The following CATSPER1 variants were observed in gnomAD, a reference collection of about 807,000 sequenced individuals.
CATSPER1 encodes the protein cation channel sperm associated 1, also known as cation channel sperm-associated protein 1.
A neutral mutation model predicts 72.7 loss-of-function variants in CATSPER1; 57 were observed. That is an observed-to-expected ratio of 0.78 (90% CI 0.63 to 0.98). The LOEUF (loss-of-function observed/expected upper bound fraction) is 0.98. Ranked by LOEUF, CATSPER1 falls within the 50% of genes least tolerant of loss-of-function variation. The pLI is 0.00. For missense variants in CATSPER1, 910 were observed against 1,033.9 expected (o/e 0.88, Z 1.64); for synonymous variants, 363 against 403.0 (o/e 0.90, Z 1.19).
At position 66,020,770 on chromosome 11, in the gene CATSPER1, G is replaced by C. The variant is rs202008202; in HGVS notation, c.1927+41C>G. The C allele has an allele frequency of 1.9e-6, 3 of 1,612,986 alleles. No homozygotes were observed. The South Asian group carries it at 3.3e-5, about 18-fold the overall frequency. Reference sequence around the variant, plus strand: ...CACTGAGCCCTGGCCGGTCCACCCCGCCAATCCCCGGCCCTCCCTGCAGCC... The same window carrying C: ...CACTGAGCCCTGGCCGGTCCACCCCCCCAATCCCCGGCCCTCCCTGCAGCC... On this transcript the variant is annotated intron_variant, in intron 6 of 11. Coordinates refer to ENST00000312106, the MANE Select transcript of CATSPER1 (RefSeq NM_053054.4). The surrounding 1 kb of genome is among the most constrained non-coding windows in gnomAD (Gnocchi z 4.5).
chr11:66,026,418 C>T lies in CATSPER1; in HGVS notation c.-39G>A. 1 of 1,608,064 alleles carries T rather than the reference C, an allele frequency of 6.2e-7. No homozygotes were observed. The highest frequency in any genetic ancestry group is 1.7e-5 in the Admixed American group (1 of 60,010). ...ACTCTGGAGCCAAAAGAGCTCAAGA[C>T]CTGGGCCCAACAGGCCCCGCCTGGA... is the stretch of plus-strand genomic sequence containing the variant. On this transcript the variant is annotated 5_prime_UTR_variant, in exon 1 of 12. Coordinates refer to ENST00000312106, the MANE Select transcript of CATSPER1 (RefSeq NM_053054.4).
At chr11:66,022,528 TTCTCGGGCTCCCGGCCCTTCCGCGAA>T (rs1301032615) in intron 2 of CATSPER1, among the ~76,000 whole-genome samples, 4 of 152,234 alleles carry the variant, frequency 2.6e-5, no homozygotes, top group Admixed American at 6.5e-5. Context: ...CTCCAGGGCC[TTCTCGGGCTCCCGGCCCTTCCGCGAA>T]GCTCGGGCTC....
chr11:66,021,521 C>A lies in CATSPER1; in HGVS notation c.1666G>T (p.Ala556Ser). ...KVFKSLRALR[A>S]IRVLRRLSFL... ...CTGAGCCTCCGCAGGACCCGGATTG[C>A]CCTCAGGGCCCGCAGGCTCTTGAAG... The change falls in exon 4 of 12, where the codon GCA becomes TCA. Residue 556 changes from alanine (A) to serine (S), a missense_variant. Transcript: ENST00000312106. 1 of 1,613,744 alleles carries A rather than the reference C, an allele frequency of 6.2e-7. No homozygotes were observed.
At chr11:66,021,975 TCTCCCCGGCTC>T (rs1269518052) in intron 2 of CATSPER1, 96 bp from the exon 3 acceptor site, 11 of 926,512 alleles carry the variant, frequency 1.2e-5, no homozygotes, top group South Asian at 9.3e-5. Context: ...ATTCCCAGGC[TCTCCCCGGCTC>T]TGCGTAAGCA....
At chr11:66,021,005 G>A (rs778027252) in intron 5 of CATSPER1, 51 bp from the exon 6 acceptor site, 76 of 1,611,194 alleles carry the variant, frequency 4.7e-5, no homozygotes, top group African/African-American at 9.4e-5. Context: ...CCACCCCAGC[G>A]CCCCTCGTCC....
rs1041961631 is a variant in CATSPER1 at position 66,021,392 on chromosome 11, G to A, written c.1691+104C>T. The A allele has an allele frequency of 2.2e-5, 32 of 1,441,874 alleles. No individual in the cohort carries two copies. The African/African-American group carries it at 3.0e-4, about 13-fold the overall frequency. The allele number at this position is 1,441,874 out of a possible 1,614,324, so 89.3% of individuals were successfully genotyped here. On this transcript the variant is annotated intron_variant, in intron 4 of 11. Coordinates refer to ENST00000312106, the MANE Select transcript of CATSPER1 (RefSeq NM_053054.4). ...CAGGCTGGGGTCAGCAGCCTCCTGC[G>A]CCCCCATCCCTTGAGCAGGTCACAG... is the stretch of plus-strand genomic sequence containing the variant.
Position 66,020,034 on chromosome 11 carries a change from A to G in CATSPER1, c.2125+106T>C. On this transcript the variant is annotated intron_variant, in intron 9 of 11. Coordinates refer to ENST00000312106, the MANE Select transcript of CATSPER1 (RefSeq NM_053054.4). The surrounding 1 kb of genome is among the most constrained non-coding windows in gnomAD (Gnocchi z 4.5). Reference sequence around the variant, plus strand: ...CCTGAGTCTCAAATTCTAAAACTCTAAAACTGAGTCTGGAATTCTGTGACT... The same window carrying G: ...CCTGAGTCTCAAATTCTAAAACTCTGAAACTGAGTCTGGAATTCTGTGACT... 2 of 1,265,562 alleles carry G rather than the reference A, an allele frequency of 1.6e-6. No homozygotes were observed. The highest frequency in any genetic ancestry group is 1.2e-5 in the South Asian group (1 of 80,546). The allele number at this position is 1,265,562 out of a possible 1,614,324, so 78.4% of individuals were successfully genotyped here. A position where few individuals can be genotyped will look rare whatever the true frequency, so the allele number is the denominator to read the frequency against.
At chr11:66,023,666 C>A (rs1856428025) in intron 1 of CATSPER1, among the ~76,000 whole-genome samples, 1 of 151,712 alleles carries the variant, frequency 6.6e-6, no homozygotes, top group Admixed American at 6.6e-5. Flanking sequence ...CCAGCAAATC[C>A]CCAACAGGCT....
chr11:66,021,271 G>T, intron 4 of CATSPER1, 86 bp from the exon 5 acceptor site: 1 of 1,381,314 alleles, frequency 7.2e-7, no homozygotes, highest in Non-Finnish European at 1.0e-6. Flanking sequence ...GGCGCTGAAG[G>T]CAGGAGGCTC....
intron 10 of CATSPER1, among the ~76,000 whole-genome samples, chr11:66,018,201 C>T (rs1856278829): frequency 6.8e-6 from 1 of 146,014 alleles, no homozygotes; most frequent in Non-Finnish European, 1.5e-5. Flanking sequence ...GAGTGAGACC[C>T]TGTCTCAAAA....
At chr11:66,022,078 A>G (rs2134993321) in intron 2 of CATSPER1, among the ~76,000 whole-genome samples, 199 bp from the exon 3 acceptor site, 1 of 152,238 alleles carries the variant, frequency 6.6e-6, no homozygotes, top group Middle Eastern at 3.4e-3. Context: ...AGTGGCTCAC[A>G]CCTGTAATCC....
rs1305870590 is a variant in CATSPER1, at chr11:66,020,552, G to T, written c.1991+12C>A. On this transcript the variant is annotated intron_variant, in intron 7 of 11. Transcript: ENST00000312106. The surrounding 1 kb of genome is among the most constrained non-coding windows in gnomAD (Gnocchi z 4.5). Reference sequence around the variant, plus strand: ...GGTGGTGCTGGGCAGCAGAGCAGGGGTGAGTCCTCACTTGAGGAAGATGAA... The same window carrying T: ...GGTGGTGCTGGGCAGCAGAGCAGGGTTGAGTCCTCACTTGAGGAAGATGAA... 2 of 1,609,202 alleles carry T rather than the reference G, an allele frequency of 1.2e-6. No homozygotes were observed. Among genetic ancestry groups the T allele is most frequent in the African/African-American group, 2.7e-5 (2 of 74,858 alleles).
chr11:66,025,120 G>T (rs377160277), intron 1 of CATSPER1, 44 bp downstream of exon 1: 3 of 1,610,660 alleles, frequency 1.9e-6, no homozygotes, highest in South Asian at 2.2e-5. Flanking sequence ...TGGATCCTGC[G>T]CCAGGCAGCA....
At position 66,017,163 on chromosome 11, in the gene CATSPER1, A is replaced by C. The variant is rs2134984822; in HGVS notation, c.2213T>G (p.Leu738Arg). 1 of 793,588 alleles carries C rather than the reference A, an allele frequency of 1.3e-6. No individual in the cohort carries two copies. Among genetic ancestry groups the C allele is most frequent in the East Asian group, 5.2e-5 (1 of 19,130 alleles). The allele number at this position is 793,588 out of a possible 1,614,324, so 49.2% of individuals were successfully genotyped here. A position where few individuals can be genotyped will look rare whatever the true frequency, so the allele number is the denominator to read the frequency against. The change falls in exon 11 of 12, where the codon CTC (leucine) becomes CGC (arginine). Residue 738 changes from leucine (L) to arginine (R), a missense_variant. Physicochemically the swap from Leu to Arg is moderately radical, Grantham distance 102. Transcript: ENST00000312106. The stretch of plus-strand genomic sequence containing the variant: ...CACCAGCTGCAGGTAATGGAACAGG[A>C]GCTCCTGCTGCCTGCGGGTGGGCGG... The part of the protein sequence containing the change: ...FGTMTEKQQE[L>R]LFHYLQLVAS...
Position 66,021,786 on chromosome 11 carries a change from A to G in CATSPER1, c.1523T>C (p.Phe508Ser), listed in dbSNP as rs2134992658. The G allele has an allele frequency of 6.2e-7, 1 of 1,614,182 alleles. No homozygotes were observed. The highest frequency in any genetic ancestry group is 2.2e-5 in the East Asian group (1 of 44,880). Residue 508 changes from phenylalanine to serine, a missense_variant, in exon 3 of 12, where the codon TTT becomes TCT. By Grantham distance (155) the Phe-to-Ser change is radical. Coordinates refer to ENST00000312106, the MANE Select transcript of CATSPER1 (RefSeq NM_053054.4). ...CCCACCCAAATTGTTCCAGAAGTCA[A>G]AGAAGTACGAGAGGCCCAGGGCGAT... ...KIIALGLSYF[F>S]DFWNNLDFFI...
At chr11:66,021,907 G>T in intron 2 of CATSPER1, 28 bp from the exon 3 acceptor site, 1 of 1,525,902 alleles carries the variant, frequency 6.6e-7, no homozygotes, top group Non-Finnish European at 9.1e-7. Flanking sequence ...TGCACTCAGA[G>T]CTGTCCCCAG....
Position 66,026,175 on chromosome 11 carries a change from G to T in CATSPER1, c.205C>A (p.Gln69Lys), listed in dbSNP as rs1340453144. Residue 69 changes from glutamine to lysine, a missense_variant, in exon 1 of 12, where the codon CAA becomes AAA. Transcript: ENST00000312106. ...TGGTGGACATGGGAGGACAAGGCTT[G>T]GTCGTGGAAGTCTTGGAACTCCGGA... is the stretch of plus-strand genomic sequence containing the variant. The part of the protein sequence containing the change: ...HPPEFQDFHD[Q>K]ALSSHVHQSH... 5.0e-6 allele frequency: 8 copies of T among 1,606,486 alleles called. No individual in the cohort carries two copies. Among genetic ancestry groups the T allele is most frequent in the Admixed American group, 3.3e-5 (2 of 59,860 alleles).
Position 66,017,194 on chromosome 11 carries a change from T to TGGGGGGGGGGGGGGGGGGGGCC in CATSPER1, c.2202-21_2202-20insGGCCCCCCCCCCCCCCCCCCCC. The TGGGGGGGGGGGGGGGGGGGGCC allele has an allele frequency of 1.8e-6, 1 of 550,268 alleles. No individual in the cohort carries two copies. Among genetic ancestry groups the TGGGGGGGGGGGGGGGGGGGGCC allele is most frequent in the Non-Finnish European group, 3.4e-6 (1 of 295,844 alleles). 34.1% of individuals were successfully genotyped at this position (550,268 alleles called of 1,614,324 possible). On this transcript the variant is annotated intron_variant, in intron 10 of 11. Coordinates refer to ENST00000312106, the MANE Select transcript of CATSPER1 (RefSeq NM_053054.4). Reference sequence around the variant, plus strand: ...TGCTGCCTGCGGGTGGGCGGGGGGGTCGCAGAGACAGGGGCTGGGCTGACC... The same window carrying TGGGGGGGGGGGGGGGGGGGGCC: ...TGCTGCCTGCGGGTGGGCGGGGGGGTGGGGGGGGGGGGGGGGGGGGCCCGCAGAGACAGGGGCTGGGCTGACC...
intron 10 of CATSPER1, among the ~76,000 whole-genome samples, chr11:66,017,898 G>A (rs1856272130): frequency 6.6e-6 from 1 of 152,182 alleles, no homozygotes; most frequent in Admixed American, 6.5e-5. Context: ...AATGAGCTGA[G>A]TTTGAAAGAT....
Sources: gnomAD v4.1 joint callset for allele counts (sites outside exome capture counted in the v4.1 genomes callset) on GRCh38, gnomAD v4.1.1 for gene constraint, Gnocchi (gnomAD v3.1) non-coding constraint, MANE v1.5 for transcripts, NCBI Gene and HGNC (gene_info 2026-07-23, HGNC 2026-07-21) for gene names.